The following PRDM6 variants were observed in gnomAD, a reference collection of about 807,000 sequenced individuals.
PRDM6 encodes the protein putative histone-lysine N-methyltransferase PRDM6.
PRDM6 carries 25 observed loss-of-function variants against 60.8 expected under a neutral mutation model. The ratio of observed to expected loss-of-function variants is 0.41; its 90% CI spans 0.30 to 0.57. The LOEUF is 0.57. PRDM6 is among the 20% of genes least tolerant of loss of function. The probability of loss-of-function intolerance (pLI) is 0.27; values close to 1 mark genes in which losing one functional copy is unlikely to be tolerated. For missense variants in PRDM6, 839 were observed against 821.3 expected (o/e 1.02, Z -0.26); for synonymous variants, 407 against 357.4 (o/e 1.14, Z -1.57).
chr5:123,090,018 C>T lies in PRDM6; in HGVS notation c.4C>T (p.Leu2=), dbSNP rs1580468355. 3 of 1,547,318 alleles carry T rather than the reference C, an allele frequency of 1.9e-6. No homozygotes were observed. The highest frequency in any genetic ancestry group is 2.6e-6 in the Non-Finnish European group (3 of 1,145,436). Residue 2 remains leucine, a synonymous_variant, in exon 2 of 8, where the codon CTG becomes TTG. Transcript: ENST00000407847. M[L]KPGDPGGSAF... is the part of the protein sequence containing the mutation. ...CCCCCAGTTCGAGGCGCCGGACATG[C>T]TGAAGCCCGGAGACCCCGGCGGTTC...
intron 3 of PRDM6, among the ~76,000 whole-genome samples, chr5:123,154,648 CA>C (rs1482617551): frequency 6.6e-6 from 1 of 152,124 alleles, no homozygotes; most frequent in African/African-American, 2.4e-5. Context: ...TATGAATGAC[CA>C]TACTAATTTT....
At chr5:123,130,088 TCCCTCCCCTCCCCTC>T (rs374831218) in intron 3 of PRDM6, among the ~76,000 whole-genome samples, 6 of 50,610 alleles carry the variant, frequency 1.2e-4, no homozygotes, top group Admixed American at 7.3e-4. Flanking sequence ...TCCTTTCTAT[TCCCTCCCCTCCCCTC>T]CCCTCCCCTC....
At chr5:123,176,530 G>C (rs1766015132) in intron 6 of PRDM6, among the ~76,000 whole-genome samples, 1 of 152,118 alleles carries the variant, frequency 6.6e-6, no homozygotes, top group Non-Finnish European at 1.5e-5. Context: ...GGGCAACCTG[G>C]TGAAACCCCA....
Position 123,190,784 on chromosome 5 carries a change from C to G in PRDM6, c.*3583C>G, listed in dbSNP as rs1766416394. On this transcript the variant is annotated 3_prime_UTR_variant, in exon 8 of 8. Transcript: ENST00000407847. Reference sequence around the variant, plus strand: ...TGAACTCTTATTTTATATAAAGACCCCATTTTATGTGTTCACCATAAGCAG... The same window carrying G: ...TGAACTCTTATTTTATATAAAGACCGCATTTTATGTGTTCACCATAAGCAG... 2 of 152,020 alleles carry G rather than the reference C, an allele frequency of 1.3e-5. No individual in the cohort carries two copies. The highest frequency in any genetic ancestry group is 4.8e-5 in the African/African-American group (2 of 41,376). 9.4% of individuals were successfully genotyped at this position (152,020 alleles called of 1,614,324 possible).
intron 3 of PRDM6, among the ~76,000 whole-genome samples, chr5:123,121,199 G>A (rs1764572297): frequency 6.6e-6 from 1 of 152,084 alleles, no homozygotes; most frequent in Admixed American, 6.5e-5. Flanking sequence ...CCACCAAGAA[G>A]CTTTTTTTAC....
chr5:123,179,834 C>T (rs550497886), intron 6 of PRDM6, among the ~76,000 whole-genome samples: 103 of 152,288 alleles, frequency 6.8e-4, no homozygotes, highest in African/African-American at 2.3e-3. Context: ...GAAGTCTATA[C>T]TTTCCCTACT....
intron 3 of PRDM6, among the ~76,000 whole-genome samples, chr5:123,150,935 TA>T (rs1393893238): frequency 6.6e-6 from 1 of 152,238 alleles, no homozygotes; most frequent in Non-Finnish European, 1.5e-5. Context: ...AAGCATGTAA[TA>T]TTTTTTAATC....
Position 123,099,690 on chromosome 5 carries a change from G to T in PRDM6, c.629G>T (p.Cys210Phe). The change falls in exon 3 of 8, where the codon TGC (cysteine) becomes TTC (phenylalanine). Residue 210 changes from cysteine (C) to phenylalanine (F), a missense_variant. This residue lies in a region of PRDM6 where 730 missense variants were observed against 648.8 expected (regional missense o/e 1.13). Transcript: ENST00000407847. This position sits in a 1 kb window ranked among gnomAD's most constrained non-coding sequence, Gnocchi z 4.0. ...DMCADNRNGE[C>F]PMHGPLHSLR... ...TGCGCGGACAACCGCAACGGCGAGTGCCCTATGCATGGGCCACTGCACTCG... is the reference window on the plus strand; with the variant it reads ...TGCGCGGACAACCGCAACGGCGAGTTCCCTATGCATGGGCCACTGCACTCG... 6.7e-7 allele frequency: 1 copy of T among 1,498,260 alleles called. No homozygotes were observed. Among genetic ancestry groups the T allele is most frequent in the Non-Finnish European group, 8.9e-7 (1 of 1,122,574 alleles). 92.8% of individuals were successfully genotyped at this position (1,498,260 alleles called of 1,614,324 possible). A position where few individuals can be genotyped will look rare whatever the true frequency, so the allele number is the denominator to read the frequency against.
chr5:123,165,157 C>G (rs1765725359), intron 5 of PRDM6, among the ~76,000 whole-genome samples: 1 of 152,264 alleles, frequency 6.6e-6, no homozygotes, highest in South Asian at 2.1e-4. Context: ...CAATCCAGAC[C>G]TCCTTACTGA....
At chr5:123,101,765 G>A (rs552770954) in intron 3 of PRDM6, among the ~76,000 whole-genome samples, 105 of 152,306 alleles carry the variant, frequency 6.9e-4, no homozygotes, top group Non-Finnish European at 1.2e-3. Flanking sequence ...TGATTGGGAT[G>A]TTGGCAGGAG....
Position 123,090,293 on chromosome 5 carries a change from C to G in PRDM6, c.279C>G (p.Ala93=). 1 of 1,490,810 alleles carries G rather than the reference C, an allele frequency of 6.7e-7. No homozygotes were observed. 92.3% of individuals were successfully genotyped at this position (1,490,810 alleles called of 1,614,324 possible). A position where few individuals can be genotyped will look rare whatever the true frequency, so the allele number is the denominator to read the frequency against. The change falls in exon 2 of 8, where the codon GCC becomes GCG. Residue 93 remains alanine (A), a synonymous_variant. Transcript: ENST00000407847. ...CCTCTTCCACCTCCGCCTCCTCCGC[C>G]TCCTCCTGCGCTGCTGCGGCCGCTG... is the stretch of plus-strand genomic sequence containing the variant. ...PASSSTSASS[A]SSCAAAAAAA... is the part of the protein sequence containing the mutation.
intron 3 of PRDM6, among the ~76,000 whole-genome samples, chr5:123,153,103 A>G (rs1204068535): frequency 6.6e-6 from 1 of 151,870 alleles, no homozygotes; most frequent in East Asian, 1.9e-4. Context: ...GTATAGTGAT[A>G]TGTATTACAA....
intron 3 of PRDM6, among the ~76,000 whole-genome samples, chr5:123,112,897 T>A (rs2150213879): frequency 6.7e-6 from 1 of 148,448 alleles, no homozygotes; most frequent in Admixed American, 6.9e-5. Context: ...CCTGACAATT[T>A]AAAATTTGGT....
At chr5:123,164,021 A>C (rs927954859) in intron 5 of PRDM6, among the ~76,000 whole-genome samples, 10 of 152,096 alleles carry the variant, frequency 6.6e-5, no homozygotes, top group African/African-American at 2.4e-4. Flanking sequence ...GGAAGGCCCT[A>C]CTCAAGCCCT....
At chr5:123,176,005 G>GTT (rs1335410618) in intron 6 of PRDM6, among the ~76,000 whole-genome samples, 2 of 152,146 alleles carry the variant, frequency 1.3e-5, no homozygotes, top group South Asian at 4.1e-4. Context: ...CTACCCAGGT[G>GTT]TTTTCTGTTC....
chr5:123,170,628 GGTTT>G, intron 5 of PRDM6, 134 bp from the exon 6 acceptor site: 1 of 670,136 alleles, frequency 1.5e-6, no homozygotes, highest in Non-Finnish European at 2.5e-6. Context: ...CAAATCAGAT[GGTTT>G]GTTATGTTAA....
At chr5:123,089,931 C>T in intron 1 of PRDM6, 69 bp from the exon 2 acceptor site, 1 of 1,182,704 alleles carries the variant, frequency 8.5e-7, no homozygotes, top group Non-Finnish European at 1.2e-6. Flanking sequence ...CTCCAGGGTC[C>T]CAGTGGCCCT....
At chr5:123,107,188 T>A (rs1036135507) in intron 3 of PRDM6, among the ~76,000 whole-genome samples, 12 of 152,236 alleles carry the variant, frequency 7.9e-5, no homozygotes, top group African/African-American at 2.9e-4. Flanking sequence ...CAGATTTTGA[T>A]ATGATGCCAA....
chr5:123,111,780 C>T (rs73294785), intron 3 of PRDM6, among the ~76,000 whole-genome samples: 2,868 of 152,154 alleles, frequency 0.019, 77 homozygotes, highest in African/African-American at 0.065. Context: ...CGCTTCCTGC[C>T]TCTTCCCTTG....
Sources: allele counts gnomAD v4.1 joint callset (sites outside exome capture counted in the v4.1 genomes callset), GRCh38; gene constraint gnomAD v4.1.1; regional missense constraint gnomAD v4.1.1; non-coding constraint Gnocchi (gnomAD v3.1); transcripts MANE v1.5; gene names NCBI Gene and HGNC (gene_info 2026-07-23, HGNC 2026-07-21).